Variants in PCSK2 observed in about 807,000 individuals in gnomAD.
The protein encoded by PCSK2 is proprotein convertase subtilisin/kexin type 2, also known as neuroendocrine convertase 2.
In PCSK2, 14 loss-of-function variants were observed where a neutral mutation model predicts 69.7. The ratio of observed to expected loss-of-function variants is 0.20; its 90% CI spans 0.13 to 0.31. PCSK2 has a LOEUF of 0.31. Ranked by LOEUF, PCSK2 falls within the 10% of genes least tolerant of loss-of-function variation. PCSK2 has a pLI of 1.00. For missense variants in PCSK2, 544 were observed against 842.5 expected (o/e 0.65, Z 4.39); for synonymous variants, 307 against 320.7 (o/e 0.96, Z 0.46).
At chr20:17,324,647 T>C (rs1440171724) in intron 2 of PCSK2, among the ~76,000 whole-genome samples, 1 of 152,106 alleles carries the variant, frequency 6.6e-6, no homozygotes, top group East Asian at 1.9e-4. Flanking sequence ...CTCCCCCTAC[T>C]GCTGAATGTT....
In PCSK2 at chr20:17,436,930, A is replaced by G. The variant is rs1233596227; in HGVS notation, c.885+47A>G. ...GCCCCGGCCACTCACAAGTTGGGACAAAGTGGGTGGAGGGGTAGATGCAAC... is the reference window on the plus strand; with the variant it reads ...GCCCCGGCCACTCACAAGTTGGGACGAAGTGGGTGGAGGGGTAGATGCAAC... On this transcript the variant is annotated intron_variant, in intron 8 of 11. Transcript: ENST00000262545. 4.6e-6 allele frequency: 7 copies of G among 1,505,468 alleles called. 1 individual carries two copies. The South Asian group carries it at 9.0e-5, about 19-fold the overall frequency. The allele number at this position is 1,505,468 out of a possible 1,614,324, so 93.3% of individuals were successfully genotyped here. A position where few individuals can be genotyped will look rare whatever the true frequency, so the allele number is the denominator to read the frequency against.
intron 2 of PCSK2, among the ~76,000 whole-genome samples, chr20:17,347,933 A>G: frequency 2.1e-5 from 1 of 47,100 alleles, no homozygotes; most frequent in Non-Finnish European, 3.8e-5. Flanking sequence ...GAGAGAAAAA[A>G]GAGAAAGAAA....
rs147946176 is a variant in PCSK2 at position 17,298,348 on chromosome 20, G to C, written c.282+38004G>C. 2.0e-5 allele frequency among the ~76,000 whole-genome samples: 3 copies of C among 152,126 alleles called. No individual in the cohort carries two copies. The East Asian group carries it at 5.8e-4, about 29-fold the overall frequency. On this transcript the variant is annotated intron_variant, in intron 2 of 11. Transcript: ENST00000262545. ...ATGGTTCTCACCACATAGAAATGGG[G>C]TGATTTTGGCCCCAGGGGACACTTG...
At chr20:17,317,617 A>G (rs1189451040) in intron 2 of PCSK2, among the ~76,000 whole-genome samples, 2 of 152,024 alleles carry the variant, frequency 1.3e-5, no homozygotes, top group African/African-American at 4.8e-5. Context: ...AACTCCCCCA[A>G]TCCCTCCAGC....
intron 4 of PCSK2, among the ~76,000 whole-genome samples, chr20:17,367,495 G>T (rs565373559): frequency 1.1e-3 from 170 of 152,366 alleles, no homozygotes; most frequent in Admixed American, 1.8e-3. Context: ...TGAGCCCAGA[G>T]TGGAACTGGA....
At chr20:17,227,644 A>T (rs1175144550) in intron 1 of PCSK2, among the ~76,000 whole-genome samples, 162 bp downstream of exon 1, 1 of 152,098 alleles carries the variant, frequency 6.6e-6, no homozygotes, top group Non-Finnish European at 1.5e-5. Context: ...GTGATCTTTC[A>T]CCGGTTATGT....
chr20:17,298,794 C>CA (rs1201798467), intron 2 of PCSK2, among the ~76,000 whole-genome samples: 22 of 152,206 alleles, frequency 1.4e-4, no homozygotes, highest in African/African-American at 5.1e-4. Context: ...CAGACACACT[C>CA]ACTGGAAGCA....
chr20:17,361,286 T>C (rs890614), intron 4 of PCSK2, among the ~76,000 whole-genome samples: 137,876 of 152,268 alleles, frequency 0.91, 62,588 homozygotes, highest in South Asian at 0.95. Flanking sequence ...CTTTGATAAC[T>C]TTTTATTACA....
chr20:17,453,982 G>A lies in PCSK2; in HGVS notation c.1101+25G>A, dbSNP rs185765714. ...GGTGAGCACGTCCCCTTCTGTCCTT[G>A]TTTCCTTAGGGCCACTGCACCTCTG... is the stretch of plus-strand genomic sequence containing the variant. On this transcript the variant is annotated intron_variant, in intron 9 of 11. Coordinates refer to ENST00000262545, the MANE Select transcript of PCSK2 (RefSeq NM_002594.5). This position sits in a 1 kb window ranked among gnomAD's most constrained non-coding sequence, Gnocchi z 4.0. 3.1e-6 allele frequency: 5 copies of A among 1,613,236 alleles called. No individual in the cohort carries two copies. The highest frequency in any genetic ancestry group is 3.3e-5 in the Admixed American group (2 of 59,938).
intron 2 of PCSK2, among the ~76,000 whole-genome samples, chr20:17,334,355 T>C (rs1990289287): frequency 6.6e-6 from 1 of 152,110 alleles, no homozygotes; most frequent in Admixed American, 6.6e-5. Flanking sequence ...TTGAGGACAC[T>C]GGAAATGAGC....
At chr20:17,479,484 T>C in intron 11 of PCSK2, 2 of 469,690 alleles carry the variant, frequency 4.3e-6, no homozygotes, top group East Asian at 4.6e-5. Flanking sequence ...TGGTATTTCA[T>C]ACATGGTCTT....
chr20:17,316,110 C>T lies in PCSK2; in HGVS notation c.283-42217C>T, dbSNP rs150142510. 5.3e-5 allele frequency among the ~76,000 whole-genome samples: 8 copies of T among 152,304 alleles called. No homozygotes were observed. In the Middle Eastern group the frequency reaches 0.017, roughly 324 times the overall value. On this transcript the variant is annotated intron_variant, in intron 2 of 11. Coordinates refer to ENST00000262545, the MANE Select transcript of PCSK2 (RefSeq NM_002594.5). ...CTTCATAGGTCAGATGGATCTCAGT[C>T]GTCCTGACCGCATAGGGTTGCTCAG... is the stretch of plus-strand genomic sequence containing the variant.
At chr20:17,292,576 A>G (rs1442983511) in intron 2 of PCSK2, among the ~76,000 whole-genome samples, 1 of 152,210 alleles carries the variant, frequency 6.6e-6, no homozygotes, top group Non-Finnish European at 1.5e-5. Flanking sequence ...TTTAAAATCA[A>G]ATATTTGGAT....
intron 6 of PCSK2, among the ~76,000 whole-genome samples, chr20:17,412,637 C>T (rs558783835): frequency 1.3e-5 from 2 of 152,272 alleles, no homozygotes; most frequent in Non-Finnish European, 2.9e-5. Context: ...ACTTCCCCAA[C>T]CTAGCAAGGC....
At chr20:17,321,533 A>G (rs1295622784) in intron 2 of PCSK2, among the ~76,000 whole-genome samples, 1 of 152,258 alleles carries the variant, frequency 6.6e-6, no homozygotes, top group Non-Finnish European at 1.5e-5. Flanking sequence ...GGGGAAAGAC[A>G]GGCATATAAA....
At chr20:17,288,819 T>G (rs1271655257) in intron 2 of PCSK2, among the ~76,000 whole-genome samples, 1 of 152,132 alleles carries the variant, frequency 6.6e-6, no homozygotes, top group Non-Finnish European at 1.5e-5. Flanking sequence ...GAAAATAAAT[T>G]TCTGTTGTTT....
chr20:17,444,622 C>T (rs6034831), intron 8 of PCSK2, among the ~76,000 whole-genome samples: 1 of 152,130 alleles, frequency 6.6e-6, no homozygotes, highest in Non-Finnish European at 1.5e-5. Flanking sequence ...GAAGCAGATC[C>T]TGAGGCAAGA....
At chr20:17,347,429 G>T (rs1278566254) in intron 2 of PCSK2, among the ~76,000 whole-genome samples, 1 of 152,120 alleles carries the variant, frequency 6.6e-6, no homozygotes, top group Non-Finnish European at 1.5e-5. Context: ...GCCCCTTGGA[G>T]AGGCCTTTTT....
intron 5 of PCSK2, among the ~76,000 whole-genome samples, chr20:17,399,246 A>G (rs2123285421): frequency 6.6e-6 from 1 of 152,302 alleles, no homozygotes; most frequent in South Asian, 2.1e-4. Flanking sequence ...TTTAAGCCTG[A>G]CTTTGTTAAT....
Sources: allele counts gnomAD v4.1 joint callset (sites outside exome capture counted in the v4.1 genomes callset), GRCh38; gene constraint gnomAD v4.1.1; non-coding constraint Gnocchi (gnomAD v3.1); transcripts MANE v1.5; gene names NCBI Gene and HGNC (gene_info 2026-07-23, HGNC 2026-07-21).